MUSK: variants seen among roughly 807,000 people sequenced by gnomAD.
MUSK encodes muscle, skeletal receptor tyrosine-protein kinase.
A neutral mutation model predicts 88.7 loss-of-function variants in MUSK; 55 were observed. The ratio of observed to expected loss-of-function variants is 0.62; its 90% CI spans 0.50 to 0.78. MUSK has a LOEUF of 0.78. Ranked by LOEUF, MUSK falls within the 30% of genes least tolerant of loss-of-function variation. The probability of loss-of-function intolerance (pLI) is 0.00; values close to 1 mark genes in which losing one functional copy is unlikely to be tolerated. For missense variants in MUSK, 1,015 were observed against 1,074.3 expected (o/e 0.94, Z 0.77); for synonymous variants, 387 against 391.9 (o/e 0.99, Z 0.15).
rs1262413321 is a variant in MUSK at position 110,801,909 on chromosome 9, T to C, written c.*921T>C. 1.3e-5 allele frequency among the ~76,000 whole-genome samples: 2 copies of C among 152,190 alleles called. No individual in the cohort carries two copies. The highest frequency in any genetic ancestry group is 4.8e-5 in the African/African-American group (2 of 41,452). Reference sequence around the variant, plus strand: ...AGAAATAATAACATTTTAAATACCATTGTAGATTGATATGTATATGCCTTT... The same window carrying C: ...AGAAATAATAACATTTTAAATACCACTGTAGATTGATATGTATATGCCTTT... On this transcript the variant is annotated 3_prime_UTR_variant, in exon 15 of 15. Transcript: ENST00000374448.
At chr9:110,681,615 C>A (rs78366323) in intron 1 of MUSK, among the ~76,000 whole-genome samples, 1 of 151,956 alleles carries the variant, frequency 6.6e-6, no homozygotes, top group African/African-American at 2.4e-5. Flanking sequence ...GATGCTTAAA[C>A]TGAATCGTAA....
chr9:110,728,328 C>G (rs535600264), intron 5 of MUSK: 2 of 213,430 alleles, frequency 9.4e-6, no homozygotes, highest in East Asian at 2.8e-4. Context: ...AAGGGGGGAA[C>G]GCAATGTATG....
chr9:110,712,752 A>T (rs2076688386), intron 5 of MUSK, among the ~76,000 whole-genome samples: 1 of 152,200 alleles, frequency 6.6e-6, no homozygotes, highest in Non-Finnish European at 1.5e-5. Flanking sequence ...CAATGTTAGG[A>T]TAGCTTCAAA....
rs182639462 is a variant in MUSK, at chr9:110,733,077, A to T, written c.629-1174A>T. On this transcript the variant is annotated intron_variant, in intron 5 of 14. Transcript: ENST00000374448. The stretch of plus-strand genomic sequence containing the variant: ...TCCAATATTCACAAATTTCAATTTA[A>T]CTAGAATTAAGTTTCAAAGCATTGT... Among the ~76,000 whole-genome samples the T allele has an allele frequency of 1.8e-3, 280 of 152,256 alleles. 2 individuals are homozygous for T. Among genetic ancestry groups the T allele is most frequent in the Admixed American group, 3.0e-3 (46 of 15,278 alleles).
chr9:110,682,334 T>C (rs1019021017), intron 1 of MUSK, among the ~76,000 whole-genome samples: 51 of 152,180 alleles, frequency 3.4e-4, no homozygotes, highest in African/African-American at 1.2e-3. Context: ...GCTGATGATA[T>C]TGGGGTGGAC....
rs149123807 is a variant in MUSK at position 110,703,760 on chromosome 9, T to C, written c.628+6294T>C. 3.2e-4 allele frequency among the ~76,000 whole-genome samples: 48 copies of C among 151,926 alleles called. No homozygotes were observed. The East Asian group carries it at 9.3e-3, about 29-fold the overall frequency. On this transcript the variant is annotated intron_variant, in intron 5 of 14. Transcript: ENST00000374448. ...AAAAGATGAAATTGAATTTAAGAAA[T>C]GATAAAAGATACATTACAGAAAGAG...
intron 14 of MUSK, among the ~76,000 whole-genome samples, chr9:110,797,596 C>T (rs898228393): frequency 2.6e-5 from 4 of 152,126 alleles, no homozygotes; most frequent in Non-Finnish European, 4.4e-5. Flanking sequence ...GTTTCTGGCA[C>T]ATTGTAGGCA....
chr9:110,679,048 T>A (rs2076069581), intron 1 of MUSK, among the ~76,000 whole-genome samples: 1 of 152,128 alleles, frequency 6.6e-6, no homozygotes, highest in Non-Finnish European at 1.5e-5. Context: ...CATCTATGCA[T>A]CATTTACAAA....
intron 5 of MUSK, among the ~76,000 whole-genome samples, chr9:110,712,016 A>G (rs1358029593): frequency 3.9e-5 from 6 of 152,142 alleles, no homozygotes; most frequent in Admixed American, 1.3e-4. Flanking sequence ...AAAAAACCCA[A>G]TCTGGCTCTG....
chr9:110,720,271 GA>G (rs2076794378), intron 5 of MUSK, among the ~76,000 whole-genome samples: 1 of 151,268 alleles, frequency 6.6e-6, no homozygotes, highest in Admixed American at 6.6e-5. Flanking sequence ...AATTGAAATG[GA>G]AAAAAATACA....
At chr9:110,745,885 C>T (rs1417751439) in intron 6 of MUSK, among the ~76,000 whole-genome samples, 3 of 152,188 alleles carry the variant, frequency 2.0e-5, no homozygotes, top group South Asian at 2.1e-4. Flanking sequence ...GTTGGACAAA[C>T]GTTCACTGCA....
intron 5 of MUSK, among the ~76,000 whole-genome samples, chr9:110,707,544 A>G (rs1054810022): frequency 1.3e-5 from 2 of 152,206 alleles, no homozygotes; most frequent in Non-Finnish European, 2.9e-5. Flanking sequence ...GGAGTGTATC[A>G]AGCTCTTGTT....
rs928034064 is a variant in MUSK at position 110,790,785 on chromosome 9, T to C, written c.1927+2947T>C. ...AATGGACTAGAGAAACATAATATGA[T>C]TGGCAAGAACATTAAAAGCTTACTT... On this transcript the variant is annotated intron_variant, in intron 14 of 14. Transcript: ENST00000374448. Among the ~76,000 whole-genome samples the C allele has an allele frequency of 3.7e-4, 56 of 152,252 alleles. 1 individual carries two copies. The highest frequency in any genetic ancestry group is 1.3e-3 in the African/African-American group (55 of 41,558).
rs1043638101 is a variant in MUSK at position 110,734,398 on chromosome 9, C to G, written c.753+23C>G. On this transcript the variant is annotated intron_variant, in intron 6 of 14. Transcript: ENST00000374448. Reference sequence around the variant, plus strand: ...GCTGTGAGTGTCATGTGTGTGGGGACTTGTCTGGGGAAGACCCATTGGTGG... The same window carrying G: ...GCTGTGAGTGTCATGTGTGTGGGGAGTTGTCTGGGGAAGACCCATTGGTGG... 1.9e-6 allele frequency: 3 copies of G among 1,612,684 alleles called. No individual in the cohort carries two copies. The African/African-American group carries it at 4.0e-5, about 22-fold the overall frequency.
intron 2 of MUSK, among the ~76,000 whole-genome samples, chr9:110,684,099 G>C (rs897585261): frequency 1.3e-5 from 2 of 152,044 alleles, no homozygotes; most frequent in Non-Finnish European, 2.9e-5. Context: ...TCTTGGAGTA[G>C]TTTCATAGAT....
intron 5 of MUSK, among the ~76,000 whole-genome samples, chr9:110,724,502 A>G (rs1242233309): frequency 6.6e-6 from 1 of 152,044 alleles, no homozygotes. Flanking sequence ...CGTCAAAAGC[A>G]TAACACATGT....
At chr9:110,678,664 T>C (rs1486569394) in intron 1 of MUSK, among the ~76,000 whole-genome samples, 2 of 152,170 alleles carry the variant, frequency 1.3e-5, no homozygotes, top group Non-Finnish European at 2.9e-5. Context: ...TCTTTAAATA[T>C]TCATTACTGT....
At chr9:110,707,863 A>G (rs532151528) in intron 5 of MUSK, among the ~76,000 whole-genome samples, 17 of 152,136 alleles carry the variant, frequency 1.1e-4, no homozygotes, top group Non-Finnish European at 1.6e-4. Flanking sequence ...GGGAGTAGCA[A>G]GGGAAGGCAA....
intron 1 of MUSK, among the ~76,000 whole-genome samples, chr9:110,678,735 A>G (rs2131638655): frequency 6.6e-6 from 1 of 152,236 alleles, no homozygotes; most frequent in Middle Eastern, 3.4e-3. Context: ...AAATTTATTT[A>G]AGCTTTAATT....
Sources: allele counts gnomAD v4.1 joint callset (sites outside exome capture counted in the v4.1 genomes callset), GRCh38; gene constraint gnomAD v4.1.1; transcripts MANE v1.5; gene names NCBI Gene and HGNC (gene_info 2026-07-23, HGNC 2026-07-21).